ARHGEF10: variants seen among roughly 807,000 people sequenced by gnomAD.
ARHGEF10 encodes Rho guanine nucleotide exchange factor 10.
ARHGEF10 carries 140 observed loss-of-function variants against 147.4 expected under a neutral mutation model. The observed-to-expected ratio is 0.95, with a 90% confidence interval of 0.83 to 1.09. The LOEUF is 1.09. ARHGEF10 is among the 50% of genes least tolerant of loss of function. ARHGEF10 has a pLI of 0.00. For synonymous variants in ARHGEF10, 902 were observed against 695.8 expected (o/e 1.30, Z -4.67); for missense variants, 2,222 against 1,752.7 (o/e 1.27, Z -4.78).
chr8:1,831,674 T>C (rs117967097), intron 1 of ARHGEF10, among the ~76,000 whole-genome samples: 2 of 152,172 alleles, frequency 1.3e-5, no homozygotes, highest in East Asian at 1.9e-4. Flanking sequence ...TCTGTGCTGC[T>C]GGGATTGCTG....
In ARHGEF10 at chr8:1,936,608, C is replaced by T. The variant is rs189338215; in HGVS notation, c.3222+2666C>T. ...TTCATCTCTTTGAAGCCTCTGAAGA[C>T]GTTCTAATGACTAAATCTACACAAA... On this transcript the variant is annotated intron_variant, in intron 26 of 28. Transcript: ENST00000349830. 1.6e-3 allele frequency among the ~76,000 whole-genome samples: 237 copies of T among 151,852 alleles called. 2 individuals are homozygous for T. Among genetic ancestry groups the T allele is most frequent in the Middle Eastern group, 0.014 (4 of 294 alleles).
rs1563165671 is a variant in ARHGEF10, at chr8:1,844,437, G to GGTGGAT, written c.37+1002_37+1003insTGGATG. ...AATCCAGGGGTCACCGGGGCCTGCTGGACGACAGAGACGGGAGAATCCAGG... is the reference window on the plus strand; with the variant it reads ...AATCCAGGGGTCACCGGGGCCTGCTGGTGGATGACGACAGAGACGGGAGAATCCAGG... On this transcript the variant is annotated intron_variant, in intron 2 of 28. Coordinates refer to ENST00000349830, the MANE Select transcript of ARHGEF10 (RefSeq NM_014629.4). 1.4e-4 allele frequency among the ~76,000 whole-genome samples: 16 copies of GGTGGAT among 113,816 alleles called. 2 individuals are homozygous for GGTGGAT. The highest frequency in any genetic ancestry group is 7.1e-4 in the East Asian group (2 of 2,822). 74.7% of individuals were successfully genotyped at this position (113,816 alleles called of 152,430 possible). A position where few individuals can be genotyped will look rare whatever the true frequency, so the allele number is the denominator to read the frequency against.
intron 18 of ARHGEF10, among the ~76,000 whole-genome samples, chr8:1,920,624 A>G (rs1812213670): frequency 6.6e-6 from 1 of 152,192 alleles, no homozygotes; most frequent in South Asian, 2.1e-4. Context: ...TACCACAACC[A>G]GCCTATACTT....
intron 19 of ARHGEF10, 160 bp from the exon 20 acceptor site, chr8:1,923,307 GC>G (rs1331129412): frequency 8.9e-6 from 10 of 1,122,914 alleles, no homozygotes; most frequent in East Asian, 2.3e-5. Flanking sequence ...AAATGTCTCA[GC>G]CCCCCACAGT....
chr8:1,870,880 AG>A (rs1807054594), intron 7 of ARHGEF10: 1 of 152,194 alleles, frequency 6.6e-6, no homozygotes, highest in Non-Finnish European at 1.5e-5. Context: ...TGGGAGGCCA[AG>A]GTGGATGGAT....
intron 11 of ARHGEF10, among the ~76,000 whole-genome samples, chr8:1,890,081 T>C (rs1401422647): frequency 1.4e-5 from 2 of 140,728 alleles, no homozygotes; most frequent in Non-Finnish European, 3.1e-5. Context: ...GAGTGTGGTG[T>C]GAGGGGTCTG....
rs767980334 is a variant in ARHGEF10, at chr8:1,860,066, GCCCTGCGGGTACTTGGTGCCTGTA to G, written c.372_395del (p.Leu126_Tyr133del). The G allele has an allele frequency of 1.2e-5, 20 of 1,613,994 alleles. No individual in the cohort carries two copies. Among genetic ancestry groups the G allele is most frequent in the Non-Finnish European group, 1.7e-5 (20 of 1,180,022 alleles). On this transcript the variant is annotated inframe_deletion, in exon 4 of 29. Coordinates refer to ENST00000349830, the MANE Select transcript of ARHGEF10 (RefSeq NM_014629.4). ...AGGAGGAGAATGTGGGTCTCCATGT[GCCCTGCGGGTACTTGGTGCCTGTA>G]CCCTGCGGCTATGCGGTGCCCTCCA...
chr8:1,845,288 C>T (rs1311248713), intron 2 of ARHGEF10, among the ~76,000 whole-genome samples: 2 of 149,006 alleles, frequency 1.3e-5, no homozygotes, highest in African/African-American at 5.1e-5. Flanking sequence ...GCTGTCCCTC[C>T]AGGGGCCCCC....
intron 2 of ARHGEF10, among the ~76,000 whole-genome samples, chr8:1,850,493 G>C: frequency 6.6e-6 from 1 of 151,168 alleles, no homozygotes; most frequent in Non-Finnish European, 1.5e-5. Flanking sequence ...GCGGAAGACG[G>C]CATGGGCCAC....
intron 11 of ARHGEF10, among the ~76,000 whole-genome samples, chr8:1,891,580 A>G (rs985914763): frequency 1.3e-5 from 2 of 152,174 alleles, no homozygotes; most frequent in Non-Finnish European, 2.9e-5. Flanking sequence ...CTCCCAGCTC[A>G]GGCCTAGGAG....
chr8:1,955,213 T>A (rs1208685877), intron 28 of ARHGEF10, among the ~76,000 whole-genome samples: 6 of 145,234 alleles, frequency 4.1e-5, no homozygotes, highest in South Asian at 2.1e-4. Flanking sequence ...GGTAGCCAGG[T>A]GCTTCCTGAA....
intron 2 of ARHGEF10, among the ~76,000 whole-genome samples, chr8:1,850,156 ACG>A (rs1563174431): frequency 5.6e-4 from 12 of 21,344 alleles, no homozygotes; most frequent in East Asian, 5.3e-3. Context: ...TGGGGCGGCC[ACG>A]TGGACACAGA....
chr8:1,926,230 C>A, intron 22 of ARHGEF10, 147 bp from the exon 23 acceptor site: 1 of 730,322 alleles, frequency 1.4e-6, no homozygotes, highest in South Asian at 1.5e-5. Context: ...AAACTTTCAT[C>A]CTCCCTATTT....
Position 1,876,672 on chromosome 8 carries a change from A to G in ARHGEF10, c.781A>G (p.Ser261Gly). 1 of 1,614,262 alleles carries G rather than the reference A, an allele frequency of 6.2e-7. No individual in the cohort carries two copies. ...SSEFESYEEQ[S>G]DSECKNGIPR... ...TGAATTTGAAAGTTACGAAGAGCAG[A>G]GTGACTCGGAGTGCAAGAATGGGAT... The change falls in exon 8 of 29, where the codon AGT (serine) becomes GGT (glycine). Residue 261 changes from serine to glycine, a missense_variant. Physicochemically the swap from Ser to Gly is moderately conservative, Grantham distance 56 (BLOSUM62 0). Transcript: ENST00000349830.
chr8:1,880,595 A>G (rs1327394439), intron 9 of ARHGEF10, among the ~76,000 whole-genome samples: 3 of 152,250 alleles, frequency 2.0e-5, no homozygotes, highest in Non-Finnish European at 2.9e-5. Flanking sequence ...CTTCAAATGC[A>G]GTAAATATTG....
At chr8:1,955,438 G>A (rs1454475833) in intron 28 of ARHGEF10, among the ~76,000 whole-genome samples, 2 of 146,382 alleles carry the variant, frequency 1.4e-5, no homozygotes, top group African/African-American at 2.6e-5. Context: ...GAAAGGAGGT[G>A]CACTCTCACT....
chr8:1,895,088 C>G (rs1004815989), intron 13 of ARHGEF10, among the ~76,000 whole-genome samples: 2 of 151,822 alleles, frequency 1.3e-5, no homozygotes, highest in African/African-American at 4.8e-5. Context: ...TGTGTAGATA[C>G]AGGCTTTCGG....
intron 18 of ARHGEF10, among the ~76,000 whole-genome samples, chr8:1,916,677 C>G (rs1206793986): frequency 6.6e-6 from 1 of 152,162 alleles, no homozygotes; most frequent in Admixed American, 6.5e-5. Flanking sequence ...TCTATACTTT[C>G]CATGTTAGAA....
At chr8:1,839,809 G>A (rs1803860134) in intron 1 of ARHGEF10, among the ~76,000 whole-genome samples, 1 of 143,632 alleles carries the variant, frequency 7.0e-6, no homozygotes, top group African/African-American at 2.6e-5. Flanking sequence ...GGACTGTCTT[G>A]TGTGGAAGCT....
Sources: allele counts gnomAD v4.1 joint callset (sites outside exome capture counted in the v4.1 genomes callset), GRCh38; gene constraint gnomAD v4.1.1; transcripts MANE v1.5; gene names NCBI Gene and HGNC (gene_info 2026-07-23, HGNC 2026-07-21).